Variants in CALN1 observed in about 807,000 individuals in gnomAD.
CALN1 encodes calcium-binding protein 8.
In CALN1, 17 loss-of-function variants were observed where a neutral mutation model predicts 30.6. The ratio of observed to expected loss-of-function variants is 0.56; its 90% CI spans 0.38 to 0.83. The LOEUF (loss-of-function observed/expected upper bound fraction) is 0.83. CALN1 is among the 40% of genes least tolerant of loss of function. CALN1 has a pLI of 0.00. For synonymous variants in CALN1, 156 were observed against 131.4 expected (o/e 1.19, Z -1.28); for missense variants, 291 against 354.9 (o/e 0.82, Z 1.45).
intron 5 of CALN1, among the ~76,000 whole-genome samples, chr7:71,956,066 C>A (rs944310323): frequency 1.3e-5 from 2 of 151,808 alleles, no homozygotes; most frequent in African/African-American, 4.8e-5. Context: ...CGGTTCACTG[C>A]AACCTCTGCC....
chr7:72,380,098 GTTT>G (rs1234061768), intron 2 of CALN1, among the ~76,000 whole-genome samples: 8 of 152,186 alleles, frequency 5.3e-5, no homozygotes, highest in African/African-American at 1.4e-4. Flanking sequence ...AGTGCACATT[GTTT>G]TTTATTAATT....
At chr7:72,237,758 A>G (rs1794563315) in intron 3 of CALN1, among the ~76,000 whole-genome samples, 2 of 152,166 alleles carry the variant, frequency 1.3e-5, no homozygotes, top group Admixed American at 1.3e-4. Context: ...TCCTTCTTCT[A>G]GCCCCTTCAC....
At chr7:71,838,436 C>T (rs1035784570) in intron 5 of CALN1, among the ~76,000 whole-genome samples, 7 of 152,048 alleles carry the variant, frequency 4.6e-5, no homozygotes, top group South Asian at 2.1e-4. Flanking sequence ...CTTTGATGCC[C>T]GCTTTATAGA....
intron 3 of CALN1, among the ~76,000 whole-genome samples, chr7:72,212,378 G>A (rs972200431): frequency 6.6e-6 from 1 of 150,952 alleles, no homozygotes; most frequent in Non-Finnish European, 1.5e-5. Flanking sequence ...TACCAGAGGG[G>A]GGAAGAATCT....
At chr7:71,925,288 A>C (rs974942046) in intron 5 of CALN1, among the ~76,000 whole-genome samples, 1 of 150,502 alleles carries the variant, frequency 6.6e-6, no homozygotes, top group East Asian at 1.9e-4. Flanking sequence ...AGCAAGCAAG[A>C]AAAGAAAAGA....
chr7:72,306,167 A>T (rs937458290), intron 2 of CALN1, among the ~76,000 whole-genome samples: 9 of 152,142 alleles, frequency 5.9e-5, no homozygotes, highest in African/African-American at 2.2e-4. Context: ...GAAAATCAAA[A>T]AATTTTACCC....
intron 3 of CALN1, among the ~76,000 whole-genome samples, chr7:72,268,641 C>T (rs1796749656): frequency 6.6e-6 from 1 of 151,964 alleles, no homozygotes; most frequent in Non-Finnish European, 1.5e-5. Context: ...CCTGTCTCTA[C>T]AAAAAATTAT....
chr7:72,478,373 T>C, the CALN1 span, among the ~76,000 whole-genome samples: 4 of 147,274 alleles, frequency 2.7e-5, 1 homozygote, highest in South Asian at 8.4e-4. Context: ...TATAAATAAA[T>C]ATATAAATAT....
chr7:71,803,974 G>A (rs891409836), intron 6 of CALN1, among the ~76,000 whole-genome samples: 7 of 150,218 alleles, frequency 4.7e-5, no homozygotes, highest in Admixed American at 1.3e-4. Context: ...GTGTGTGTGC[G>A]TGCATGTGTC....
intron 3 of CALN1, among the ~76,000 whole-genome samples, chr7:72,231,825 G>A (rs1404182935): frequency 6.6e-6 from 1 of 152,158 alleles, no homozygotes; most frequent in African/African-American, 2.4e-5. Context: ...TGCCTGGGCT[G>A]TCAGGGTAAG....
At chr7:72,384,798 GA>G (rs111376276) in intron 2 of CALN1, among the ~76,000 whole-genome samples, 13 of 150,930 alleles carry the variant, frequency 8.6e-5, no homozygotes, top group African/African-American at 3.2e-4. Context: ...ATCCCTGAAA[GA>G]AAAAAAAATT....
chr7:72,241,223 GGCATTT>G (rs1794805887), intron 3 of CALN1, among the ~76,000 whole-genome samples: 2 of 152,314 alleles, frequency 1.3e-5, no homozygotes, highest in South Asian at 4.1e-4. Flanking sequence ...CCATTCAACA[GGCATTT>G]ATTGGTCACT....
intron 3 of CALN1, among the ~76,000 whole-genome samples, chr7:72,175,064 C>T (rs568472778): frequency 5.9e-5 from 9 of 151,440 alleles, no homozygotes; most frequent in Non-Finnish European, 1.2e-4. Context: ...GTAAACTATA[C>T]CTCAATATAA....
intron 5 of CALN1, among the ~76,000 whole-genome samples, chr7:71,938,656 G>A (rs775826120): frequency 1.3e-5 from 2 of 152,106 alleles, no homozygotes; most frequent in African/African-American, 4.8e-5. Flanking sequence ...TTAGCTGGGC[G>A]TGGTGGCAGG....
intron 5 of CALN1, among the ~76,000 whole-genome samples, chr7:71,866,530 T>C (rs1354835260): frequency 6.6e-6 from 1 of 152,152 alleles, no homozygotes; most frequent in Non-Finnish European, 1.5e-5. Context: ...AGATCATTGA[T>C]AGATATTGGA....
intron 3 of CALN1, among the ~76,000 whole-genome samples, chr7:72,134,406 C>A (rs1360153954): frequency 6.6e-6 from 1 of 152,180 alleles, no homozygotes; most frequent in Non-Finnish European, 1.5e-5. Context: ...GAAGAGACAT[C>A]ACAGATGGAT....
the CALN1 span, among the ~76,000 whole-genome samples, chr7:72,458,254 T>A: frequency 9.3e-3 from 688 of 74,150 alleles, 41 homozygotes; most frequent in African/African-American, 0.037. Context: ...ATAATATATT[T>A]TATAATATAT....
chr7:72,429,474 A>C (rs1013036492), intron 1 of CALN1, among the ~76,000 whole-genome samples: 1 of 152,094 alleles, frequency 6.6e-6, no homozygotes, highest in Non-Finnish European at 1.5e-5. Flanking sequence ...AATGCTGACA[A>C]AGAACAAAAT....
At chr7:72,188,835 C>G (rs995961613) in intron 3 of CALN1, among the ~76,000 whole-genome samples, 1 of 152,114 alleles carries the variant, frequency 6.6e-6, no homozygotes, top group Non-Finnish European at 1.5e-5. Context: ...TTTCTCCCAC[C>G]TTCTCAGGAG....
Sources: gnomAD v4.1 joint callset for allele counts (sites outside exome capture counted in the v4.1 genomes callset) on GRCh38, gnomAD v4.1.1 for gene constraint, MANE v1.5 for transcripts, NCBI Gene and HGNC (gene_info 2026-07-23, HGNC 2026-07-21) for gene names.